The following HSD17B3 variants were observed in gnomAD, a reference collection of about 807,000 sequenced individuals.
HSD17B3 encodes the protein hydroxysteroid 17-beta dehydrogenase 3, also known as 17-beta-hydroxysteroid dehydrogenase type 3.
In HSD17B3, 29 loss-of-function variants were observed where a neutral mutation model predicts 41.1. The ratio of observed to expected loss-of-function variants is 0.71; its 90% confidence interval spans 0.53 to 0.96. HSD17B3 has a LOEUF of 0.96. Ranked by LOEUF, HSD17B3 falls within the 40% of genes least tolerant of loss-of-function variation. The pLI, the probability that HSD17B3 is intolerant of heterozygous loss-of-function variation, is 0.00. For synonymous variants in HSD17B3, 126 were observed against 145.6 expected, an observed-to-expected ratio of 0.87 and a Z score of 0.97; for missense variants, 323 against 374.6, an observed-to-expected ratio of 0.86 and a Z score of 1.14.
chr9:96,293,144 C>T (rs1459584514), intron 2 of HSD17B3, among the ~76,000 whole-genome samples: 1 of 152,184 alleles, frequency 6.6e-6, no homozygotes. Context: ...ACAAGATATT[C>T]TTCTTCTCTG....
At chr9:96,267,140 G>A (rs552147364) in intron 2 of HSD17B3, among the ~76,000 whole-genome samples, 22 of 145,816 alleles carry the variant, frequency 1.5e-4, no homozygotes, top group African/African-American at 4.8e-4. Context: ...GTGGAACAGC[G>A]CCAGGCAAAA....
chr9:96,294,250 C>CAA lies in HSD17B3; in HGVS notation c.201+4164_201+4165dup, dbSNP rs35463519. On this transcript the variant is annotated intron_variant, in intron 2 of 10. Coordinates refer to ENST00000375263, the MANE Select transcript of HSD17B3 (RefSeq NM_000197.2). ...GCAACAAAGTGAGACCTCATCTCTA[C>CAA]AAAAAAAAAAAATTAAATAAAAAGG... is the stretch of plus-strand genomic sequence containing the variant. 6.5e-3 allele frequency among the ~76,000 whole-genome samples: 918 copies of CAA among 140,778 alleles called. 3 individuals are homozygous for CAA. The highest frequency in any genetic ancestry group is 0.012 in the African/African-American group (465 of 38,256). The allele number at this position is 140,778 out of a possible 152,430, so 92.4% of individuals were successfully genotyped here.
intron 9 of HSD17B3, among the ~76,000 whole-genome samples, chr9:96,241,348 G>A (rs551643458): frequency 6.6e-6 from 1 of 152,274 alleles, no homozygotes; most frequent in South Asian, 2.1e-4. Context: ...TTTAACTGGA[G>A]GTCCTGTATT....
At chr9:96,271,772 A>G (rs1015111763) in intron 2 of HSD17B3, among the ~76,000 whole-genome samples, 2 of 152,124 alleles carry the variant, frequency 1.3e-5, no homozygotes, top group African/African-American at 2.4e-5. Context: ...AATCTTCATC[A>G]TACTATCAAC....
At chr9:96,262,492 C>G (rs1289312413) in intron 2 of HSD17B3, among the ~76,000 whole-genome samples, 1 of 151,964 alleles carries the variant, frequency 6.6e-6, no homozygotes, top group Admixed American at 6.6e-5. Context: ...GATCCACCCT[C>G]CTCAGCCTCC....
At chr9:96,262,585 G>A (rs1825903182) in intron 2 of HSD17B3, among the ~76,000 whole-genome samples, 1 of 152,056 alleles carries the variant, frequency 6.6e-6, no homozygotes, top group African/African-American at 2.4e-5. Context: ...CAAATAATTT[G>A]AAGTTATATT....
At chr9:96,248,949 A>T (rs1262559878) in intron 6 of HSD17B3, among the ~76,000 whole-genome samples, 1 of 149,094 alleles carries the variant, frequency 6.7e-6, no homozygotes, top group African/African-American at 2.5e-5. Context: ...TCTGTCGCCC[A>T]GGCTCGACTG....
chr9:96,262,264 G>T (rs1025017905), intron 2 of HSD17B3, among the ~76,000 whole-genome samples: 2 of 90,814 alleles, frequency 2.2e-5, no homozygotes, highest in Non-Finnish European at 3.9e-5. Flanking sequence ...TTTTTTGTGA[G>T]ATGGAGTCTT....
In HSD17B3 at chr9:96,290,750, C is replaced by T. The variant is rs186539057; in HGVS notation, c.201+7666G>A. ...TCGGGAGGCTGAGGCAGGAGAATCA[C>T]TTGAAACCAGAAGGCAAAGTTTGCA... On this transcript the variant is annotated intron_variant, in intron 2 of 10. Transcript: ENST00000375263. Among the ~76,000 whole-genome samples, 202 of 151,980 alleles carry T rather than the reference C, an allele frequency of 1.3e-3. 1 individual carries two copies. Among genetic ancestry groups the T allele is most frequent in the African/African-American group, 4.6e-3 (191 of 41,450 alleles).
At chr9:96,278,688 C>G (rs186237553) in intron 2 of HSD17B3, among the ~76,000 whole-genome samples, 1 of 152,260 alleles carries the variant, frequency 6.6e-6, no homozygotes, top group East Asian at 1.9e-4. Context: ...TGATGGTAGG[C>G]CATGAATTTG....
intron 2 of HSD17B3, among the ~76,000 whole-genome samples, chr9:96,269,270 T>G (rs1394367130): frequency 6.6e-6 from 1 of 152,158 alleles, no homozygotes; most frequent in Non-Finnish European, 1.5e-5. Flanking sequence ...AGGACCACCA[T>G]TGTATATGCA....
rs1306340053 is a variant in HSD17B3 at position 96,244,374 on chromosome 9, G to A, written c.627C>T (p.Ser209=). 1.2e-6 allele frequency: 2 copies of A among 1,614,184 alleles called. No individual in the cohort carries two copies. Among genetic ancestry groups the A allele is most frequent in the South Asian group, 2.2e-5 (2 of 91,082 alleles). Residue 209 remains serine, a synonymous_variant, in exon 9 of 11, where the codon TCC becomes TCT. Transcript: ENST00000375263. ...CTTTATATTCCTCTTGCAGGGCCTT[G>A]GAAAATGCGCACACAAACGCCTGGA... ...SASKAFVCAF[S]KALQEEYKAK...
At chr9:96,241,985 G>GAAAGAAAGAAAGAAAGAAAGAAAT (rs1191977168) in intron 9 of HSD17B3, among the ~76,000 whole-genome samples, 1 of 116,588 alleles carries the variant, frequency 8.6e-6, no homozygotes, top group East Asian at 2.5e-4. Context: ...AAGAAAGAAA[G>GAAAGAAAGAAAGAAAGAAAGAAAT]AAAGAAAGAA....
intron 10 of HSD17B3, chr9:96,239,485 G>A (rs557804579): frequency 1.4e-4 from 21 of 152,336 alleles, no homozygotes; most frequent in African/African-American, 5.1e-4. Context: ...GCTTTGTAGT[G>A]TGAGTTACAT....
In HSD17B3 at chr9:96,268,050, G is replaced by A. The variant is rs985968287; in HGVS notation, c.202-13107C>T. Among the ~76,000 whole-genome samples the A allele has an allele frequency of 6.6e-5, 10 of 152,194 alleles. No homozygotes were observed. The East Asian group carries it at 1.4e-3, about 21-fold the overall frequency. On this transcript the variant is annotated intron_variant, in intron 2 of 10. Transcript: ENST00000375263. Reference sequence around the variant, plus strand: ...AGCGATTCTCCTGCCTCAACCTCCCGAGTAGCTGGGACAACAGGTGCACGC... The same window carrying A: ...AGCGATTCTCCTGCCTCAACCTCCCAAGTAGCTGGGACAACAGGTGCACGC...
intron 2 of HSD17B3, among the ~76,000 whole-genome samples, chr9:96,275,666 ATTG>A (rs905018095): frequency 3.3e-5 from 5 of 152,186 alleles, no homozygotes; most frequent in Non-Finnish European, 5.9e-5. Context: ...ATGTAATTAA[ATTG>A]TTATCAACTT....
chr9:96,245,352 G>A lies in HSD17B3; in HGVS notation c.599C>T (p.Ala200Val), dbSNP rs142236065. 64 of 1,611,610 alleles carry A rather than the reference G, an allele frequency of 4.0e-5. No individual in the cohort carries two copies. The highest frequency in any genetic ancestry group is 5.1e-5 in the Non-Finnish European group (60 of 1,177,768). Reference protein sequence around the residue: ...FPWPLYSMYSASKAFVCAFSK... With the variant: ...FPWPLYSMYSVSKAFVCAFSK... ...AGTCATGACATCACTCACCTTGGAAGCTGAGTACATGGAGTAGAGAGGCCA... is the reference window on the plus strand; with the variant it reads ...AGTCATGACATCACTCACCTTGGAAACTGAGTACATGGAGTAGAGAGGCCA... The change falls in exon 8 of 11, where the codon GCT becomes GTT. Residue 200 changes from alanine (A) to valine (V), a missense_variant. Transcript: ENST00000375263.
At chr9:96,281,563 C>T (rs280665) in intron 2 of HSD17B3, among the ~76,000 whole-genome samples, 53,726 of 152,032 alleles carry the variant, frequency 0.35, 9,693 homozygotes, top group Middle Eastern at 0.46. Context: ...AAGTCCCTCT[C>T]GTAAAGTCCC....
chr9:96,296,657 GA>G (rs1415148127), intron 2 of HSD17B3, among the ~76,000 whole-genome samples: 1 of 151,940 alleles, frequency 6.6e-6, no homozygotes, highest in Non-Finnish European at 1.5e-5. Flanking sequence ...ATAAAATGAA[GA>G]AAAATTCAGA....
Sources: gnomAD v4.1 joint callset for allele counts (sites outside exome capture counted in the v4.1 genomes callset) on GRCh38, gnomAD v4.1.1 for gene constraint, MANE v1.5 for transcripts, NCBI Gene and HGNC (gene_info 2026-07-23, HGNC 2026-07-21) for gene names.